Variants in LGSN observed in about 807,000 individuals in gnomAD.
LGSN encodes lengsin, lens protein with glutamine synthetase domain, also known as lengsin.
In LGSN, 21 loss-of-function variants were observed where a neutral mutation model predicts 19.5. That is an observed-to-expected ratio of 1.07 (90% confidence interval 0.76 to 1.55). The LOEUF is 1.55. LGSN is among the 40% of genes most tolerant of loss of function. The pLI is 0.00. For synonymous variants in LGSN, 257 were observed against 215.6 expected (o/e 1.19, Z -1.68); for missense variants, 673 against 608.5 (o/e 1.11, Z -1.12).
At chr6:63,504,068 T>C in the LGSN span, among the ~76,000 whole-genome samples, 1 of 152,176 alleles carries the variant, frequency 6.6e-6, no homozygotes, top group Admixed American at 6.5e-5. Context: ...ACATTAAAGA[T>C]GCTCAATACA....
the LGSN span, among the ~76,000 whole-genome samples, chr6:63,394,764 G>A: frequency 1.3e-5 from 2 of 152,188 alleles, no homozygotes; most frequent in African/African-American, 4.8e-5. Context: ...TAACACTGGG[G>A]CCCAATGCAG....
chr6:63,309,325 C>T (rs890616264), intron 1 of LGSN, among the ~76,000 whole-genome samples: 5 of 151,900 alleles, frequency 3.3e-5, no homozygotes, highest in Non-Finnish European at 7.4e-5. Context: ...CCAGCTACTC[C>T]AGAGGCTGAA....
chr6:63,465,492 T>A, the LGSN span, among the ~76,000 whole-genome samples: 1 of 152,104 alleles, frequency 6.6e-6, no homozygotes. Context: ...TGCACATCTA[T>A]TTCCAACTCC....
the LGSN span, among the ~76,000 whole-genome samples, chr6:63,454,794 T>TTTC: frequency 1.3e-3 from 15 of 11,410 alleles, no homozygotes; most frequent in Non-Finnish European, 1.9e-3. Flanking sequence ...TTTCTTTTTC[T>TTTC]TTTTTTTTTT....
chr6:63,512,998 A>C, the LGSN span, among the ~76,000 whole-genome samples: 2 of 152,208 alleles, frequency 1.3e-5, no homozygotes, highest in African/African-American at 4.8e-5. Context: ...ATAGGAAATT[A>C]AAAGTGGCCA....
At chr6:63,443,131 C>T in the LGSN span, among the ~76,000 whole-genome samples, 9 of 152,200 alleles carry the variant, frequency 5.9e-5, no homozygotes, top group African/African-American at 1.4e-4. Context: ...AAGCCGGGTG[C>T]GGACAAGCCA....
the LGSN span, among the ~76,000 whole-genome samples, chr6:63,329,389 G>T: frequency 6.6e-6 from 1 of 152,174 alleles, no homozygotes; most frequent in Non-Finnish European, 1.5e-5. Flanking sequence ...TATAGGGGTT[G>T]GGTACAACTG....
intron 2 of LGSN, among the ~76,000 whole-genome samples, chr6:63,287,244 A>G (rs1169518377): frequency 1.3e-5 from 2 of 152,244 alleles, no homozygotes; most frequent in Non-Finnish European, 2.9e-5. Context: ...GAGGCTTTAT[A>G]ACTACCTTCC....
the LGSN span, among the ~76,000 whole-genome samples, chr6:63,530,509 T>C: frequency 1.3e-5 from 2 of 152,162 alleles, no homozygotes; most frequent in Non-Finnish European, 2.9e-5. Context: ...TCACACAGGC[T>C]ATTTACTGCA....
the LGSN span, among the ~76,000 whole-genome samples, chr6:63,349,393 C>G: frequency 6.6e-6 from 1 of 152,164 alleles, no homozygotes; most frequent in African/African-American, 2.4e-5. Flanking sequence ...ATTCCCAACC[C>G]TTGGTGCAAA....
rs1767732523 is a variant in LGSN, at chr6:63,290,728, T to G, written c.163+4185A>C. ...ACCGTGTAGGCCATATGGTATTCGT[T>G]GCAGCTACTCATTTAGCACAATGTC... On this transcript the variant is annotated intron_variant, in intron 2 of 3. Transcript: ENST00000370657. Among the ~76,000 whole-genome samples the G allele has an allele frequency of 2.6e-5, 4 of 152,204 alleles. No homozygotes were observed. The South Asian group carries it at 8.3e-4, about 31-fold the overall frequency.
At chr6:63,508,768 A>T in the LGSN span, among the ~76,000 whole-genome samples, 1 of 151,640 alleles carries the variant, frequency 6.6e-6, no homozygotes, top group Non-Finnish European at 1.5e-5. Flanking sequence ...AAAACAAAAA[A>T]ATTAGGCGGG....
At chr6:63,488,442 C>T in the LGSN span, among the ~76,000 whole-genome samples, 1 of 152,154 alleles carries the variant, frequency 6.6e-6, no homozygotes, top group African/African-American at 2.4e-5. Context: ...AACTCTGCTC[C>T]ATACCTTGAT....
the LGSN span, among the ~76,000 whole-genome samples, chr6:63,467,784 C>T: frequency 1.3e-5 from 2 of 152,098 alleles, no homozygotes; most frequent in African/African-American, 2.4e-5. Flanking sequence ...CTCAGCCTCC[C>T]GGGTTCAAGT....
chr6:63,336,549 G>GTATATA, the LGSN span, among the ~76,000 whole-genome samples: 34 of 139,932 alleles, frequency 2.4e-4, no homozygotes, highest in African/African-American at 9.0e-4. Context: ...GTGTGTGTGT[G>GTATATA]TGTGTGTGTG....
At chr6:63,410,932 C>A in the LGSN span, among the ~76,000 whole-genome samples, 58 of 152,192 alleles carry the variant, frequency 3.8e-4, no homozygotes, top group African/African-American at 1.3e-3. Flanking sequence ...TCCTAAGCAA[C>A]GAGGTTTGGC....
the LGSN span, chr6:63,441,696 G>C: frequency 6.5e-6 from 3 of 458,848 alleles, no homozygotes; most frequent in South Asian, 1.8e-5. Flanking sequence ...GCAGCCAAGC[G>C]GGAGCAGATC....
At chr6:63,364,266 A>C in the LGSN span, among the ~76,000 whole-genome samples, 1 of 152,158 alleles carries the variant, frequency 6.6e-6, no homozygotes, top group African/African-American at 2.4e-5. Context: ...AAACAAACAA[A>C]AAAAAAACGG....
At chr6:63,551,746 C>A in the LGSN span, among the ~76,000 whole-genome samples, 1 of 142,182 alleles carries the variant, frequency 7.0e-6, no homozygotes, top group Admixed American at 7.5e-5. Flanking sequence ...TCCATGTGTT[C>A]TCATTGTTCA....
Sources: allele counts gnomAD v4.1 joint callset (sites outside exome capture counted in the v4.1 genomes callset), GRCh38; gene constraint gnomAD v4.1.1; transcripts MANE v1.5; gene names NCBI Gene and HGNC (gene_info 2026-07-23, HGNC 2026-07-21).